The following FES variants were observed in gnomAD, a reference collection of about 807,000 sequenced individuals.
The protein encoded by FES is FES proto-oncogene, tyrosine kinase.
A neutral mutation model predicts 109.6 loss-of-function variants in FES; 83 were observed. The observed-to-expected ratio is 0.76, with a 90% confidence interval of 0.63 to 0.91. The LOEUF is 0.91. Ranked by LOEUF, FES falls within the 40% of genes least tolerant of loss-of-function variation. The probability of loss-of-function intolerance (pLI) is 0.00; values close to 1 mark genes in which losing one functional copy is unlikely to be tolerated. For synonymous variants in FES, 458 were observed against 442.1 expected, an observed-to-expected ratio of 1.04 and a Z score of -0.45; for missense variants, 943 against 1,070.9, an observed-to-expected ratio of 0.88 and a Z score of 1.67.
At position 90,891,251 on chromosome 15, in the gene FES, C is replaced by T. The variant is rs1010327455; in HGVS notation, c.1530+60C>T. On this transcript the variant is annotated intron_variant, in intron 11 of 18. Transcript: ENST00000328850. ...CACTCTTCCCCTCCCTTCCCTTCCC[C>T]AAGGGAAATGGCCTTTCAGGGTAGG... is the stretch of plus-strand genomic sequence containing the variant. 3.3e-6 allele frequency: 5 copies of T among 1,516,198 alleles called. No individual in the cohort carries two copies. The African/African-American group carries it at 5.5e-5, about 17-fold the overall frequency. The allele number at this position is 1,516,198 out of a possible 1,614,324, so 93.9% of individuals were successfully genotyped here. A position where few individuals can be genotyped will look rare whatever the true frequency, so the allele number is the denominator to read the frequency against.
At chr15:90,885,373 T>C (rs1350668373) in intron 2 of FES, 39 bp from the exon 3 acceptor site, 1 of 1,597,982 alleles carries the variant, frequency 6.3e-7, no homozygotes, top group Non-Finnish European at 8.5e-7. Context: ...TGGGAGCCAT[T>C]GTGCCCCCCT....
chr15:90,889,547 G>A lies in FES; in HGVS notation c.837G>A (p.Thr279=), dbSNP rs2856846. 4 of 1,613,746 alleles carry A rather than the reference G, an allele frequency of 2.5e-6. No homozygotes were observed. The highest frequency in any genetic ancestry group is 3.4e-6 in the Non-Finnish European group (4 of 1,180,026). The change falls in exon 7 of 19, where the codon ACG becomes ACA. Residue 279 remains threonine, a synonymous_variant. Transcript: ENST00000328850. The surrounding 1 kb of genome is among the most constrained non-coding windows in gnomAD (Gnocchi z 6.1). ...GSAPDVPPCV[T]FDESLLEEGE... is the part of the protein sequence containing the mutation. The stretch of plus-strand genomic sequence containing the variant: ...CACCTGACGTCCCACCCTGTGTCAC[G>A]TTCGATGAGTCACTGCTTGAGGAGG...
rs1270847619 is a variant in FES, at chr15:90,886,186, C to T, written c.387+601C>T. 3.9e-5 allele frequency among the ~76,000 whole-genome samples: 6 copies of T among 152,276 alleles called. No homozygotes were observed. The East Asian group carries it at 7.7e-4, about 20-fold the overall frequency. ...GCCCAGCCTTGCCATGGACCCACAGCGGCCCCTGGTGGCCACCCTGGCCCC... is the reference window on the plus strand; with the variant it reads ...GCCCAGCCTTGCCATGGACCCACAGTGGCCCCTGGTGGCCACCCTGGCCCC... On this transcript the variant is annotated intron_variant, in intron 3 of 18. Transcript: ENST00000328850.
chr15:90,894,094 A>T, intron 18 of FES, 36 bp downstream of exon 18: 1 of 1,608,810 alleles, frequency 6.2e-7, no homozygotes, highest in Non-Finnish European at 8.5e-7. Context: ...CTCAGGCTGC[A>T]CCCTCTTCCA....
chr15:90,889,509 C>T lies in FES; in HGVS notation c.807-8C>T, dbSNP rs1207970494. 1.2e-6 allele frequency: 2 copies of T among 1,613,916 alleles called. No homozygotes were observed. The highest frequency in any genetic ancestry group is 1.7e-6 in the Non-Finnish European group (2 of 1,180,024). ...GCCTGTCCACTGACGGGGCGCTGTC[C>T]CCCACAGGTCCGCACCTGACGTCCC... On this transcript the variant is annotated splice_region_variant and splice_polypyrimidine_tract_variant and intron_variant, in intron 6 of 18. Coordinates refer to ENST00000328850, the MANE Select transcript of FES (RefSeq NM_002005.4). This position sits in a 1 kb window ranked among gnomAD's most constrained non-coding sequence, Gnocchi z 6.1.
chr15:90,891,324 G>A (rs1332164978), intron 11 of FES, 133 bp downstream of exon 11: 1 of 1,203,388 alleles, frequency 8.3e-7, no homozygotes, highest in Non-Finnish European at 1.2e-6. Flanking sequence ...CTGGCTGGAA[G>A]GGGCCACAGA....
intron 15 of FES, 31 bp downstream of exon 15, chr15:90,893,225 G>C (rs543933881): frequency 3.7e-6 from 6 of 1,613,444 alleles, no homozygotes; most frequent in South Asian, 3.3e-5. Flanking sequence ...TCCAGGTAGG[G>C]CGCGCAGCCT....
At chr15:90,893,479 C>T (rs1289081738) in intron 16 of FES, 65 bp downstream of exon 16, 4 of 1,506,282 alleles carry the variant, frequency 2.7e-6, no homozygotes, top group Admixed American at 4.5e-5. Flanking sequence ...TACCTATACC[C>T]CTAGGGCCCC....
At position 90,893,296 on chromosome 15, in the gene FES, G is replaced by A. The variant is rs373409188; in HGVS notation, c.1927G>A (p.Asp643Asn). ...GGGGTCCTCCCCACCTGCAGGGGGC[G>A]ACTTCCTGACCTTCCTCCGCACGGA... is the stretch of plus-strand genomic sequence containing the variant. Reference protein sequence around the residue: ...YIVMELVQGGDFLTFLRTEGA... With the variant: ...YIVMELVQGGNFLTFLRTEGA... Residue 643 changes from aspartate (D) to asparagine (N), a missense_variant, in exon 16 of 19, where the codon GAC (aspartate) becomes AAC (asparagine). Physicochemically the swap from Asp to Asn is conservative, Grantham distance 23. Coordinates refer to ENST00000328850, the MANE Select transcript of FES (RefSeq NM_002005.4). The A allele has an allele frequency of 3.0e-5, 48 of 1,595,814 alleles. No individual in the cohort carries two copies. The highest frequency in any genetic ancestry group is 3.9e-5 in the Non-Finnish European group (46 of 1,170,868).
intron 16 of FES, 28 bp downstream of exon 16, chr15:90,893,442 C>T (rs2033419840): frequency 4.6e-6 from 7 of 1,522,342 alleles, no homozygotes; most frequent in Admixed American, 2.2e-5. Context: ...ACGGGCCCTG[C>T]CAACACCCCC....
In FES at chr15:90,895,485, A is replaced by G. The variant is rs1316308087; in HGVS notation, c.2396A>G (p.Tyr799Cys). 2.5e-6 allele frequency: 4 copies of G among 1,599,040 alleles called. No individual in the cohort carries two copies. Among genetic ancestry groups the G allele is most frequent in the Admixed American group, 1.7e-5 (1 of 58,258 alleles). The change falls in exon 19 of 19, where the codon TAT becomes TGT. Residue 799 changes from tyrosine (Y) to cysteine (C), a missense_variant. Tyr to Cys is a radical substitution (Grantham distance 194). Transcript: ENST00000328850. Reference protein sequence around the residue: ...VFRLMEQCWAYEPGQRPSFST... With the variant: ...VFRLMEQCWACEPGQRPSFST... ...AGGCTCATGGAGCAGTGCTGGGCCT[A>G]TGAGCCTGGGCAGCGGCCCAGCTTC...
chr15:90,893,752 C>T lies in FES; in HGVS notation c.2144C>T (p.Ala715Val), dbSNP rs2151271105. 5 of 1,609,200 alleles carry T rather than the reference C, an allele frequency of 3.1e-6. No homozygotes were observed. The highest frequency in any genetic ancestry group is 3.4e-6 in the Non-Finnish European group (4 of 1,177,670). Reference sequence around the variant, plus strand: ...GAGGAAGCCGATGGGGTCTATGCAGCCTCAGGGGGCCTCAGACAAGTCCCC... The same window carrying T: ...GAGGAAGCCGATGGGGTCTATGCAGTCTCAGGGGGCCTCAGACAAGTCCCC... ...SREEADGVYA[A>V]SGGLRQVPVK... is the part of the protein sequence containing the mutation. The change falls in exon 17 of 19, where the codon GCC becomes GTC. Residue 715 changes from alanine (A) to valine (V), a missense_variant. By Grantham distance (64) the Ala-to-Val change is moderately conservative. Coordinates refer to ENST00000328850, the MANE Select transcript of FES (RefSeq NM_002005.4).
At position 90,892,116 on chromosome 15, in the gene FES, G is replaced by T; in HGVS notation, c.1707+5G>T. The T allele has an allele frequency of 6.2e-7, 1 of 1,613,990 alleles. No homozygotes were observed. The highest frequency in any genetic ancestry group is 1.3e-5 in the African/African-American group (1 of 75,050). Reference sequence around the variant, plus strand: ...TTGGGTGAGCAGATTGGACGGGTGAGTGCGCCTCTGCTGGCCTCCTTGTCG... The same window carrying T: ...TTGGGTGAGCAGATTGGACGGGTGATTGCGCCTCTGCTGGCCTCCTTGTCG... On this transcript the variant is annotated splice_donor_5th_base_variant and intron_variant, in intron 13 of 18. Transcript: ENST00000328850.
chr15:90,884,960 TC>T, intron 1 of FES, 76 bp from the exon 2 acceptor site: 1 of 1,229,312 alleles, frequency 8.1e-7, no homozygotes, highest in Non-Finnish European at 1.1e-6. Flanking sequence ...GACCCTACAG[TC>T]CCCAGTCTCC....
At chr15:90,888,577 G>GGGGCTCTTTT (rs61345556) in intron 5 of FES, among the ~76,000 whole-genome samples, 3 of 151,632 alleles carry the variant, frequency 2.0e-5, no homozygotes, top group Non-Finnish European at 2.9e-5. Flanking sequence ...GTCAGGTCCT[G>GGGGCTCTTTT]GAAGGTGAAG....
At chr15:90,891,949 C>T in intron 12 of FES, 109 bp from the exon 13 acceptor site, 1 of 1,250,404 alleles carries the variant, frequency 8.0e-7, no homozygotes, top group Non-Finnish European at 1.1e-6. Flanking sequence ...CACGTGGTCC[C>T]ACCCCTGGTC....
intron 2 of FES, 21 bp downstream of exon 2, chr15:90,885,279 G>A: frequency 1.3e-6 from 2 of 1,592,930 alleles, no homozygotes; most frequent in South Asian, 1.1e-5. Context: ...ATGGGACTCT[G>A]GTGGGTGCTG....
intron 16 of FES, 81 bp from the exon 17 acceptor site, chr15:90,893,573 G>A: frequency 6.6e-7 from 1 of 1,508,364 alleles, no homozygotes; most frequent in Non-Finnish European, 8.9e-7. Context: ...AGCAGCTTTT[G>A]TCCTTGGCTT....
chr15:90,891,804 G>A (rs1291544097), intron 12 of FES, 128 bp downstream of exon 12: 1 of 1,385,940 alleles, frequency 7.2e-7, no homozygotes, highest in South Asian at 1.3e-5. Flanking sequence ...TGCAGAGTGA[G>A]TGACCCTCAG....
Sources: gnomAD v4.1 joint callset for allele counts (sites outside exome capture counted in the v4.1 genomes callset) on GRCh38, gnomAD v4.1.1 for gene constraint, Gnocchi (gnomAD v3.1) non-coding constraint, MANE v1.5 for transcripts, NCBI Gene and HGNC (gene_info 2026-07-23, HGNC 2026-07-21) for gene names.